Variants in APLP2 observed in about 807,000 individuals in gnomAD.
APLP2 encodes the protein CDEI box-binding protein.
In APLP2, 53 loss-of-function variants were observed where a neutral mutation model predicts 89.9. The observed-to-expected ratio is 0.59, with a 90% confidence interval of 0.47 to 0.74. The LOEUF is 0.74. APLP2 is among the 30% of genes least tolerant of loss of function. The probability of loss-of-function intolerance (pLI) is 0.00; values close to 1 mark genes in which losing one functional copy is unlikely to be tolerated. For missense variants in APLP2, 973 were observed against 975.9 expected, an observed-to-expected ratio of 1.00 and a Z score of 0.04; for synonymous variants, 372 against 348.6, an observed-to-expected ratio of 1.07 and a Z score of -0.75.
At chr11:130,138,357 G>A (rs145196655) in intron 13 of APLP2, among the ~76,000 whole-genome samples, 4 of 152,280 alleles carry the variant, frequency 2.6e-5, no homozygotes, top group East Asian at 3.9e-4. Flanking sequence ...ATGCCTGTTC[G>A]TGGGGATGAC....
intron 1 of APLP2, among the ~76,000 whole-genome samples, chr11:130,092,681 C>A (rs1281693407): frequency 9.8e-6 from 1 of 102,072 alleles, no homozygotes; most frequent in Non-Finnish European, 1.8e-5. Flanking sequence ...GCTTCAGCTC[C>A]GCATGAGAGG....
At chr11:130,122,653 A>G in intron 6 of APLP2, 140 bp downstream of exon 6, 1 of 1,433,238 alleles carries the variant, frequency 7.0e-7, no homozygotes, top group Non-Finnish European at 9.3e-7. Context: ...TCAGCTCTCC[A>G]GTGCAGTGAT....
At chr11:130,120,892 C>T (rs1591823245) in intron 4 of APLP2, 74 bp downstream of exon 4, 1 of 1,028,594 alleles carries the variant, frequency 9.7e-7, no homozygotes, top group Non-Finnish European at 1.5e-6. Flanking sequence ...CTCCAAATCT[C>T]ACCATGCTTT....
chr11:130,092,706 A>AGAGAGAGGCAGAGGGAGAGG (rs1304737799), intron 1 of APLP2, among the ~76,000 whole-genome samples: 1 of 30,632 alleles, frequency 3.3e-5, no homozygotes, highest in Non-Finnish European at 7.1e-5. Context: ...CCGTGGGGGG[A>AGAGAGAGGCAGAGGGAGAGG]GGGAGGGGGA....
intron 1 of APLP2, chr11:130,070,742 C>G (rs1009975369): frequency 1.4e-6 from 2 of 1,450,020 alleles, no homozygotes; most frequent in Non-Finnish European, 1.8e-6. Context: ...AGGAAACCCG[C>G]TCTGGGTGCG....
chr11:130,114,244 C>A (rs1948928443), intron 3 of APLP2: 1 of 151,372 alleles, frequency 6.6e-6, no homozygotes, highest in Non-Finnish European at 1.5e-5. Flanking sequence ...TTTTTAACTA[C>A]AGACCAGTTC....
chr11:130,134,902 G>A (rs940247820), intron 12 of APLP2, among the ~76,000 whole-genome samples: 6 of 152,182 alleles, frequency 3.9e-5, no homozygotes, highest in South Asian at 2.1e-4. Context: ...AAGGAAATCC[G>A]GAGCTCTCTT....
At chr11:130,101,495 A>C (rs995980588) in intron 1 of APLP2, 1 of 155,374 alleles carries the variant, frequency 6.4e-6, no homozygotes, top group Non-Finnish European at 1.4e-5. Context: ...CCGTGTGTTT[A>C]GAATAATACA....
chr11:130,087,931 A>C (rs1220159646), intron 1 of APLP2, among the ~76,000 whole-genome samples: 1 of 152,236 alleles, frequency 6.6e-6, no homozygotes, highest in Non-Finnish European at 1.5e-5. Context: ...TTTTTAAACA[A>C]TAGGAATAGT....
At chr11:130,118,381 T>C (rs1949456024) in intron 3 of APLP2, among the ~76,000 whole-genome samples, 1 of 152,198 alleles carries the variant, frequency 6.6e-6, no homozygotes, top group Non-Finnish European at 1.5e-5. Flanking sequence ...AAGCTTTTCT[T>C]GTTGTATAGA....
intron 13 of APLP2, among the ~76,000 whole-genome samples, chr11:130,136,892 A>AC (rs1555145981): frequency 6.6e-6 from 1 of 152,164 alleles, no homozygotes; most frequent in African/African-American, 2.4e-5. Flanking sequence ...ATATACCTGA[A>AC]CTAGGACCTT....
chr11:130,091,179 C>T (rs1434263143), intron 1 of APLP2, among the ~76,000 whole-genome samples: 147 of 132,802 alleles, frequency 1.1e-3, no homozygotes, highest in Middle Eastern at 5.0e-3. Flanking sequence ...GCAGAGGCGC[C>T]CCTCACCTCC....
intron 1 of APLP2, among the ~76,000 whole-genome samples, chr11:130,095,496 A>G (rs1320877680): frequency 1.3e-5 from 2 of 152,376 alleles, no homozygotes; most frequent in African/African-American, 4.8e-5. Context: ...CTGAAAAGAT[A>G]CAGAAATAAA....
chr11:130,070,963 G>C (rs115863923), intron 1 of APLP2, among the ~76,000 whole-genome samples: 9,499 of 152,144 alleles, frequency 0.062, 309 homozygotes, highest in Non-Finnish European at 0.072. Flanking sequence ...CGGGGTCCGC[G>C]GTGCGGGCCG....
chr11:130,075,430 A>G (rs1338834342), intron 1 of APLP2, among the ~76,000 whole-genome samples: 4 of 152,168 alleles, frequency 2.6e-5, no homozygotes, highest in Non-Finnish European at 1.5e-5. Flanking sequence ...TATTTATTAA[A>G]CCTGTTACAT....
In APLP2 at chr11:130,143,355, A is replaced by G. The variant is rs771213199; in HGVS notation, c.2163A>G (p.Pro721=). The G allele has an allele frequency of 1.9e-6, 3 of 1,613,898 alleles. No individual in the cohort carries two copies. The highest frequency in any genetic ancestry group is 2.2e-5 in the South Asian group (2 of 91,084). The change falls in exon 17 of 17, where the codon CCA becomes CCG. Residue 721 remains proline, a synonymous_variant. Coordinates refer to ENST00000338167, the MANE Select transcript of APLP2 (RefSeq NM_001142276.2). ...TISHGIVEVD[P]MLTPEERHLN... ...AGGTTTTGTTCTTCCAGGTTGATCC[A>G]ATGCTCACCCCAGAAGAGCGTCACC...
At position 130,123,727 on chromosome 11, in the gene APLP2, C is replaced by T; in HGVS notation, c.1038C>T (p.Asn346=). 6.2e-7 allele frequency: 1 copy of T among 1,614,264 alleles called. No individual in the cohort carries two copies. Among genetic ancestry groups the T allele is most frequent in the Non-Finnish European group, 8.5e-7 (1 of 1,180,042 alleles). ...TTATATATGGTGGCTGCGGCGGCAA[C>T]AGGAACAATTTTGAGTCTGAGGATT... The part of the protein sequence containing the change: ...VRFIYGGCGG[N]RNNFESEDYC... The change falls in exon 7 of 17, where the codon AAC becomes AAT. Residue 346 remains asparagine, a synonymous_variant. Coordinates refer to ENST00000338167, the MANE Select transcript of APLP2 (RefSeq NM_001142276.2). The surrounding 1 kb of genome is among the most constrained non-coding windows in gnomAD (Gnocchi z 4.0).
chr11:130,104,925 A>G (rs1565572769), intron 1 of APLP2, among the ~76,000 whole-genome samples: 1 of 152,158 alleles, frequency 6.6e-6, no homozygotes, highest in East Asian at 1.9e-4. Flanking sequence ...CTTCTCTTAT[A>G]CTAGTAGAAA....
At chr11:130,081,599 A>G (rs571160440) in intron 1 of APLP2, among the ~76,000 whole-genome samples, 1 of 152,328 alleles carries the variant, frequency 6.6e-6, no homozygotes, top group South Asian at 2.1e-4. Context: ...GAATGCCTAT[A>G]AAATGCTGGA....
Sources: gnomAD v4.1 joint callset for allele counts (sites outside exome capture counted in the v4.1 genomes callset) on GRCh38, gnomAD v4.1.1 for gene constraint, Gnocchi (gnomAD v3.1) non-coding constraint, MANE v1.5 for transcripts, NCBI Gene and HGNC (gene_info 2026-07-23, HGNC 2026-07-21) for gene names.